SUCO: variants seen among roughly 807,000 people sequenced by gnomAD.
SUCO encodes SUN domain-containing ossification factor.
Under a neutral mutation model 148.1 loss-of-function variants are expected in SUCO, and 57 were observed. The observed-to-expected ratio is 0.38, with a 90% CI of 0.31 to 0.48. The LOEUF is 0.48. Among genes scored for constraint, SUCO ranks in the 20% least tolerant of loss-of-function variants. The probability of loss-of-function intolerance (pLI) is 0.96; values close to 1 mark genes in which losing one functional copy is unlikely to be tolerated. For synonymous variants in SUCO, 470 were observed against 502.7 expected (o/e 0.93, Z 0.87); for missense variants, 1,331 against 1,468.2 (o/e 0.91, Z 1.53).
Position 172,588,684 on chromosome 1 carries a change from A to G in SUCO, c.1659-76A>G, listed in dbSNP as rs78923607. On this transcript the variant is annotated intron_variant, in intron 17 of 23. Coordinates refer to ENST00000263688, the MANE Select transcript of SUCO (RefSeq NM_014283.5). ...AACCTTTTATCTTCTGTATGGATACATTTATTTTTCTTTAACATATTTCAA... is the reference window on the plus strand; with the variant it reads ...AACCTTTTATCTTCTGTATGGATACGTTTATTTTTCTTTAACATATTTCAA... 108 of 1,297,458 alleles carry G rather than the reference A, an allele frequency of 8.3e-5. No homozygotes were observed. In the East Asian group the frequency reaches 2.7e-3, roughly 32 times the overall value. The allele number at this position is 1,297,458 out of a possible 1,614,324, so 80.4% of individuals were successfully genotyped here. A position where few individuals can be genotyped will look rare whatever the true frequency, so the allele number is the denominator to read the frequency against.
intron 19 of SUCO, among the ~76,000 whole-genome samples, chr1:172,592,807 T>A (rs1016660362): frequency 4.6e-5 from 7 of 152,254 alleles, no homozygotes; most frequent in African/African-American, 1.7e-4. Flanking sequence ...TTTCCAATTC[T>A]GTAAAGAAAG....
At chr1:172,600,339 TATC>T (rs1185972473) in intron 20 of SUCO, among the ~76,000 whole-genome samples, 171 bp downstream of exon 20, 8 of 152,222 alleles carry the variant, frequency 5.3e-5, no homozygotes, top group Non-Finnish European at 8.8e-5. Flanking sequence ...GAAAATATAT[TATC>T]ATAGTCTTTT....
intron 3 of SUCO, among the ~76,000 whole-genome samples, chr1:172,554,672 G>A (rs1653590737): frequency 6.6e-6 from 1 of 151,462 alleles, no homozygotes; most frequent in South Asian, 2.1e-4. Context: ...AGGAGGCGGA[G>A]GTTGCAGTGA....
At chr1:172,580,386 C>T (rs928452723) in intron 15 of SUCO, among the ~76,000 whole-genome samples, 1 of 152,096 alleles carries the variant, frequency 6.6e-6, no homozygotes, top group Non-Finnish European at 1.5e-5. Flanking sequence ...AGGCTTCTGA[C>T]TTTCTAGATA....
At chr1:172,535,377 G>A (rs1167763856) in intron 1 of SUCO, among the ~76,000 whole-genome samples, 1 of 152,170 alleles carries the variant, frequency 6.6e-6, no homozygotes, top group African/African-American at 2.4e-5. Context: ...CGATTAAAAG[G>A]CATTAAAATA....
intron 15 of SUCO, among the ~76,000 whole-genome samples, chr1:172,583,237 A>G (rs974457688): frequency 6.6e-6 from 1 of 152,276 alleles, no homozygotes; most frequent in South Asian, 2.1e-4. Context: ...CTCATACCGC[A>G]GCATCTCTTT....
chr1:172,602,628 T>C (rs531370927), intron 21 of SUCO, 68 bp from the exon 22 acceptor site: 70 of 1,579,860 alleles, frequency 4.4e-5, no homozygotes, highest in Middle Eastern at 1.7e-4. Flanking sequence ...CTGTGTAGCC[T>C]CAACAAAAGA....
chr1:172,539,971 GTTCT>G (rs1571173554), intron 1 of SUCO, among the ~76,000 whole-genome samples: 2 of 152,140 alleles, frequency 1.3e-5, no homozygotes, highest in Admixed American at 6.5e-5. Flanking sequence ...CTTGGTTGTA[GTTCT>G]TTCTTTTCAT....
chr1:172,541,607 TAGTGCAGTGC>T (rs1466976992), intron 1 of SUCO, among the ~76,000 whole-genome samples: 1 of 152,222 alleles, frequency 6.6e-6, no homozygotes, highest in Non-Finnish European at 1.5e-5. Context: ...AAGCTGGCAG[TAGTGCAGTGC>T]AGTGCAGCAG....
intron 22 of SUCO, among the ~76,000 whole-genome samples, chr1:172,605,870 A>C (rs886818989): frequency 1.3e-5 from 2 of 151,826 alleles, no homozygotes; most frequent in African/African-American, 4.8e-5. Context: ...ATTGACAGGC[A>C]TCTTTGTCTT....
Position 172,585,084 on chromosome 1 carries a change from A to G in SUCO, c.1565A>G (p.Glu522Gly). 1 of 1,601,934 alleles carries G rather than the reference A, an allele frequency of 6.2e-7. No homozygotes were observed. The highest frequency in any genetic ancestry group is 8.5e-7 in the Non-Finnish European group (1 of 1,172,446). The change falls in exon 16 of 24, where the codon GAA (glutamate) becomes GGA (glycine). Residue 522 changes from glutamate (E) to glycine (G), a missense_variant and splice_region_variant. Glu to Gly is a moderately conservative substitution (Grantham distance 98). Around this residue, in one of 3 missense-constraint regions of SUCO, gnomAD observed 992 missense variants for 1,093.5 expected, o/e 0.91. Transcript: ENST00000263688. ...ILGAKTEDLT[E>G]GNKSISENAT... Reference sequence around the variant, plus strand: ...GGAGCAAAAACTGAAGACCTGACAGAAGGTACCTAATCATTTTATGGGTCT... The same window carrying G: ...GGAGCAAAAACTGAAGACCTGACAGGAGGTACCTAATCATTTTATGGGTCT...
chr1:172,610,217 C>T lies in SUCO; in HGVS notation c.3723C>T (p.Thr1241=), dbSNP rs757515744. ...HDIIKGNKEI[T]VGTFGVTAVS... ...TAATCAAAGGAAACAAAGAGATCACCGTGGGAACATTTGGTGTTACAGCAG... is the reference window on the plus strand; with the variant it reads ...TAATCAAAGGAAACAAAGAGATCACTGTGGGAACATTTGGTGTTACAGCAG... Residue 1241 remains threonine (T), a synonymous_variant, in exon 24 of 24, where the codon ACC becomes ACT. Coordinates refer to ENST00000263688, the MANE Select transcript of SUCO (RefSeq NM_014283.5). 1.7e-5 allele frequency: 27 copies of T among 1,608,408 alleles called. No homozygotes were observed. Among genetic ancestry groups the T allele is most frequent in the African/African-American group, 4.0e-5 (3 of 74,538 alleles).
chr1:172,534,646 A>G (rs1231078638), intron 1 of SUCO, among the ~76,000 whole-genome samples: 1 of 152,176 alleles, frequency 6.6e-6, no homozygotes, highest in African/African-American at 2.4e-5. Flanking sequence ...GAATCCTTTT[A>G]ATACCCGTCT....
intron 6 of SUCO, among the ~76,000 whole-genome samples, chr1:172,563,335 G>A (rs924424480): frequency 9.2e-5 from 14 of 152,208 alleles, no homozygotes; most frequent in African/African-American, 3.4e-4. Context: ...TTGTTGAATG[G>A]TTTTGACCAG....
intron 22 of SUCO, 123 bp downstream of exon 22, chr1:172,602,910 C>T (rs1359954962): frequency 1.2e-6 from 1 of 808,770 alleles, no homozygotes; most frequent in African/African-American, 1.7e-5. Context: ...TAGCCTTTGT[C>T]TTTGTGCTGT....
intron 1 of SUCO, among the ~76,000 whole-genome samples, chr1:172,539,897 A>T (rs1037718777): frequency 1.6e-4 from 25 of 151,952 alleles, no homozygotes; most frequent in African/African-American, 5.8e-4. Flanking sequence ...TGAGCTCTGT[A>T]TATAAGCTGC....
intron 1 of SUCO, among the ~76,000 whole-genome samples, chr1:172,534,925 T>C (rs917319450): frequency 1.3e-5 from 2 of 152,262 alleles, no homozygotes; most frequent in African/African-American, 4.8e-5. Flanking sequence ...GTGAACACTT[T>C]CATTCAAGTT....
At chr1:172,593,626 A>C (rs1284081411) in intron 19 of SUCO, among the ~76,000 whole-genome samples, 3 of 152,106 alleles carry the variant, frequency 2.0e-5, no homozygotes, top group Non-Finnish European at 4.4e-5. Flanking sequence ...GGATGAAGCC[A>C]ACTTGATCGT....
At chr1:172,602,566 A>G in intron 21 of SUCO, 130 bp from the exon 22 acceptor site, 2 of 1,462,560 alleles carry the variant, frequency 1.4e-6, no homozygotes, top group Non-Finnish European at 9.0e-7. Flanking sequence ...TATTAGCAAT[A>G]ACTGGAGTGT....
Sources: gnomAD v4.1 joint callset for allele counts (sites outside exome capture counted in the v4.1 genomes callset) on GRCh38, gnomAD v4.1.1 for gene constraint, gnomAD v4.1.1 regional missense constraint, MANE v1.5 for transcripts, NCBI Gene and HGNC (gene_info 2026-07-23, HGNC 2026-07-21) for gene names.